The following PCDHA2 variants were observed in gnomAD, a reference collection of about 807,000 sequenced individuals.
PCDHA2 encodes protocadherin alpha 2.
In PCDHA2, 58 loss-of-function variants were observed where a neutral mutation model predicts 66.0. The observed-to-expected ratio is 0.88, with a 90% confidence interval of 0.71 to 1.09. The LOEUF is 1.09. Among genes scored for constraint, PCDHA2 ranks in the 50% least tolerant of loss-of-function variants. PCDHA2 has a pLI of 0.00. For missense variants in PCDHA2, 1,267 were observed against 1,242.3 expected, an observed-to-expected ratio of 1.02 and a Z score of -0.30; for synonymous variants, 634 against 554.0, an observed-to-expected ratio of 1.14 and a Z score of -2.03.
intron 3 of PCDHA2, among the ~76,000 whole-genome samples, 199 bp downstream of exon 3, chr5:140,982,762 TAAC>T (rs1210027762): frequency 6.6e-6 from 1 of 152,130 alleles, no homozygotes; most frequent in Non-Finnish European, 1.5e-5. Context: ...TGAAAAAGGA[TAAC>T]AAGGAAAGTG....
intron 1 of PCDHA2, among the ~76,000 whole-genome samples, chr5:140,898,520 G>A (rs1583310662): frequency 6.6e-6 from 1 of 152,298 alleles, no homozygotes; most frequent in East Asian, 1.9e-4. Context: ...CGTTATTTCT[G>A]AGGGCTCTGT....
At chr5:140,934,437 T>C (rs950173265) in intron 1 of PCDHA2, among the ~76,000 whole-genome samples, 4 of 152,298 alleles carry the variant, frequency 2.6e-5, no homozygotes, top group Admixed American at 6.5e-5. Context: ...AGTGTAAATA[T>C]AGTGAAAAAT....
chr5:140,889,583 G>C (rs1373487919), intron 1 of PCDHA2, among the ~76,000 whole-genome samples: 1 of 151,554 alleles, frequency 6.6e-6, no homozygotes, highest in African/African-American at 2.4e-5. Context: ...TTTTGTTTTT[G>C]CTTTGAAATA....
At chr5:140,967,442 G>T in intron 1 of PCDHA2, 1 of 1,613,600 alleles carries the variant, frequency 6.2e-7, no homozygotes, top group Non-Finnish European at 8.5e-7. Context: ...GCACCACCTG[G>T]TTCTCACAGC....
intron 1 of PCDHA2, among the ~76,000 whole-genome samples, chr5:140,910,377 C>T (rs1053075333): frequency 6.6e-6 from 1 of 152,244 alleles, no homozygotes; most frequent in East Asian, 1.9e-4. Flanking sequence ...GCCCACCTTG[C>T]CTTTGACAGT....
intron 1 of PCDHA2, among the ~76,000 whole-genome samples, chr5:140,956,090 C>T (rs964801271): frequency 1.3e-5 from 2 of 152,162 alleles, no homozygotes; most frequent in Non-Finnish European, 2.9e-5. Flanking sequence ...ATGTCATCTG[C>T]AAACAAAGAT....
chr5:140,987,747 T>G (rs1336636332), intron 3 of PCDHA2, among the ~76,000 whole-genome samples: 1 of 152,178 alleles, frequency 6.6e-6, no homozygotes. Context: ...TAGACCCAGG[T>G]TGTTCTGAGT....
intron 1 of PCDHA2, chr5:140,882,698 G>C: frequency 1.2e-6 from 2 of 1,614,200 alleles, no homozygotes; most frequent in Non-Finnish European, 1.7e-6. Flanking sequence ...AATCATTGCA[G>C]AATCTAGACC....
intron 1 of PCDHA2, chr5:140,930,576 T>C (rs1554207933): frequency 1.3e-5 from 2 of 152,582 alleles, no homozygotes; most frequent in Non-Finnish European, 2.9e-5. Flanking sequence ...TCTACGGTAT[T>C]ACTTTTTGAC....
At chr5:140,824,610 G>GTTTTTTTTTTTTGT (rs1768201083) in intron 1 of PCDHA2, 1 of 95,104 alleles carries the variant, frequency 1.1e-5, no homozygotes, top group African/African-American at 4.9e-5. Context: ...GCTAATTAAA[G>GTTTTTTTTTTTTGT]TTTTTTTTTT....
intron 1 of PCDHA2, chr5:140,968,527 G>A (rs782634339): frequency 9.3e-6 from 15 of 1,614,142 alleles, no homozygotes; most frequent in Middle Eastern, 1.6e-4. Flanking sequence ...CAACCAACTC[G>A]TCAGCAGCCT....
At chr5:140,869,605 T>C (rs782447414) in intron 1 of PCDHA2, 132 of 1,613,940 alleles carry the variant, frequency 8.2e-5, no homozygotes, top group Non-Finnish European at 1.1e-4. Context: ...GAATGCTCTA[T>C]TGACCTACAG....
intron 1 of PCDHA2, chr5:140,869,781 T>C (rs781934601): frequency 6.2e-7 from 1 of 1,612,992 alleles, no homozygotes; most frequent in South Asian, 1.1e-5. Context: ...CTGGCACCGT[T>C]CGGCTGTTAG....
intron 2 of PCDHA2, chr5:140,982,263 C>A: frequency 1.2e-6 from 1 of 858,968 alleles, no homozygotes; most frequent in Non-Finnish European, 1.7e-6. Flanking sequence ...ATGTGTGTTC[C>A]TGGAATAGTA....
chr5:140,840,076 AG>A (rs1237018170), intron 1 of PCDHA2, among the ~76,000 whole-genome samples: 2 of 152,044 alleles, frequency 1.3e-5, no homozygotes, highest in Non-Finnish European at 2.9e-5. Context: ...GTCAATAGAA[AG>A]ATAAACTTGT....
At chr5:140,850,136 C>A in intron 1 of PCDHA2, 1 of 1,595,682 alleles carries the variant, frequency 6.3e-7, no homozygotes, top group Non-Finnish European at 8.6e-7. Context: ...CTCTGGGCAG[C>A]AACGTGACGC....
At chr5:140,830,022 G>A in intron 1 of PCDHA2, 2 of 1,613,860 alleles carry the variant, frequency 1.2e-6, no homozygotes, top group Non-Finnish European at 8.5e-7. Flanking sequence ...GACTCTCCGC[G>A]CCACCGGCTG....
chr5:140,870,250 C>G (rs1562640720), intron 1 of PCDHA2: 1 of 1,614,092 alleles, frequency 6.2e-7, no homozygotes, highest in African/African-American at 1.3e-5. Flanking sequence ...TGTCAACGGA[C>G]AGGTGACCTG....
chr5:140,886,827 G>GAAAAAAAAA, intron 1 of PCDHA2, among the ~76,000 whole-genome samples: 1 of 60,890 alleles, frequency 1.6e-5, no homozygotes, highest in Non-Finnish European at 3.3e-5. Flanking sequence ...ACTTCGTCTT[G>GAAAAAAAAA]AAAAAAAAAA....
Sources: gnomAD v4.1 joint callset for allele counts (sites outside exome capture counted in the v4.1 genomes callset) on GRCh38, gnomAD v4.1.1 for gene constraint, MANE v1.5 for transcripts, NCBI Gene and HGNC (gene_info 2026-07-23, HGNC 2026-07-21) for gene names.